Variants in FAM227B observed in about 807,000 individuals in gnomAD.
The protein encoded by FAM227B is protein FAM227B.
In FAM227B, 88 loss-of-function variants were observed where a neutral mutation model predicts 73.8. The ratio of observed to expected loss-of-function variants is 1.19; its 90% CI spans 1.00 to 1.42. FAM227B has a LOEUF of 1.42. Ranked by LOEUF, FAM227B falls within the 40% of genes most tolerant of loss-of-function variation. FAM227B has a pLI of 0.00. For synonymous variants in FAM227B, 210 were observed against 190.5 expected, an observed-to-expected ratio of 1.10 and a Z score of -0.84; for missense variants, 632 against 590.9, an observed-to-expected ratio of 1.07 and a Z score of -0.72.
intron 10 of FAM227B, among the ~76,000 whole-genome samples, chr15:49,527,029 C>T (rs1228450269): frequency 6.9e-6 from 1 of 145,378 alleles, no homozygotes; most frequent in Admixed American, 7.2e-5. Context: ...TCTCATCTAA[C>T]TGATTCTACA....
intron 8 of FAM227B, among the ~76,000 whole-genome samples, chr15:49,571,722 A>G (rs2075120758): frequency 6.6e-6 from 1 of 151,932 alleles, no homozygotes; most frequent in Admixed American, 6.6e-5. Context: ...TTTTTATGCC[A>G]ATACTCTGCT....
At chr15:49,478,201 A>G (rs1437330785) in intron 11 of FAM227B, among the ~76,000 whole-genome samples, 1 of 152,234 alleles carries the variant, frequency 6.6e-6, no homozygotes, top group African/African-American at 2.4e-5. Context: ...TAATTTGCTT[A>G]GGATAATGGC....
intron 3 of FAM227B, among the ~76,000 whole-genome samples, chr15:49,608,633 T>G (rs2077681473): frequency 1.3e-5 from 2 of 151,956 alleles, no homozygotes; most frequent in Non-Finnish European, 2.9e-5. Flanking sequence ...AATAAGCAAA[T>G]AAATCAGGCT....
At chr15:49,596,276 T>C (rs1009718552) in intron 3 of FAM227B, among the ~76,000 whole-genome samples, 2 of 151,988 alleles carry the variant, frequency 1.3e-5, no homozygotes, top group Non-Finnish European at 2.9e-5. Context: ...GCAGAAACAT[T>C]ATAAGCCAGA....
chr15:49,613,058 A>G (rs1356014912), intron 2 of FAM227B, among the ~76,000 whole-genome samples: 1 of 152,104 alleles, frequency 6.6e-6, no homozygotes, highest in Non-Finnish European at 1.5e-5. Context: ...GTACAAAAAT[A>G]TAGGTTAGGG....
At chr15:49,554,580 G>A (rs1173494421) in intron 9 of FAM227B, among the ~76,000 whole-genome samples, 1 of 152,126 alleles carries the variant, frequency 6.6e-6, no homozygotes, top group African/African-American at 2.4e-5. Context: ...TAACAGGACA[G>A]CACTGAGTTA....
intron 11 of FAM227B, among the ~76,000 whole-genome samples, chr15:49,505,647 C>T (rs1203706353): frequency 6.6e-6 from 1 of 151,694 alleles, no homozygotes; most frequent in African/African-American, 2.4e-5. Context: ...TCAAAAAATA[C>T]AAAAGTGGTA....
intron 9 of FAM227B, among the ~76,000 whole-genome samples, chr15:49,544,990 T>C (rs1355896754): frequency 2.0e-5 from 3 of 152,264 alleles, no homozygotes; most frequent in East Asian, 3.9e-4. Flanking sequence ...TCTTTCCTGG[T>C]TTTGGTATTA....
intron 8 of FAM227B, among the ~76,000 whole-genome samples, chr15:49,571,978 A>G (rs1381577479): frequency 2.0e-5 from 3 of 151,992 alleles, no homozygotes; most frequent in African/African-American, 7.2e-5. Context: ...TTCAATCTAT[A>G]AACACAGGAT....
chr15:49,348,582 C>G (rs1296617757), intron 13 of FAM227B, among the ~76,000 whole-genome samples: 1 of 152,138 alleles, frequency 6.6e-6, no homozygotes, highest in East Asian at 1.9e-4. Flanking sequence ...GAGCCAGAGG[C>G]TGGAAGTGAT....
intron 6 of FAM227B, 86 bp from the exon 7 acceptor site, chr15:49,576,931 T>G (rs1391002420): frequency 1.5e-5 from 10 of 686,478 alleles, no homozygotes; most frequent in Non-Finnish European, 2.5e-5. Context: ...GACCAACATT[T>G]AACTATCACT....
At chr15:49,394,467 G>A (rs987028198) in intron 11 of FAM227B, among the ~76,000 whole-genome samples, 2 of 152,120 alleles carry the variant, frequency 1.3e-5, no homozygotes, top group African/African-American at 4.8e-5. Flanking sequence ...AGTTGTCTAG[G>A]TGCATGGGAG....
intron 3 of FAM227B, among the ~76,000 whole-genome samples, chr15:49,606,876 AT>A: frequency 6.6e-6 from 1 of 152,378 alleles, no homozygotes; most frequent in Non-Finnish European, 1.5e-5. Context: ...CAACATTAAT[AT>A]TTGCAAATCT....
intron 11 of FAM227B, among the ~76,000 whole-genome samples, chr15:49,399,996 C>G (rs1246617423): frequency 2.1e-5 from 2 of 96,670 alleles, no homozygotes; most frequent in African/African-American, 7.2e-5. Context: ...GAAGTTCTGG[C>G]CAGGGCAATT....
chr15:49,328,374 G>T lies in FAM227B; in HGVS notation c.*194C>A. 1 of 1,430,736 alleles carries T rather than the reference G, an allele frequency of 7.0e-7. No homozygotes were observed. Among genetic ancestry groups the T allele is most frequent in the Non-Finnish European group, 9.1e-7 (1 of 1,096,314 alleles). The allele number at this position is 1,430,736 out of a possible 1,614,324, so 88.6% of individuals were successfully genotyped here. The stretch of plus-strand genomic sequence containing the variant: ...ATATGGTTTTACTATTAAGAGCCAA[G>T]ATCATGCTTGGACAGATCTTTTAAG... On this transcript the variant is annotated 3_prime_UTR_variant, in exon 16 of 16. Coordinates refer to ENST00000299338, the MANE Select transcript of FAM227B (RefSeq NM_152647.3).
rs2075475966 is a variant in FAM227B at position 49,576,861 on chromosome 15, T to C, written c.442-16A>G. The C allele has an allele frequency of 1.3e-6, 2 of 1,493,290 alleles. No individual in the cohort carries two copies. The highest frequency in any genetic ancestry group is 2.3e-5 in the East Asian group (1 of 44,226). 92.5% of individuals were successfully genotyped at this position (1,493,290 alleles called of 1,614,324 possible). ...AGCTGCAACCCTAGAAAGAGGAAAA[T>C]ATAACAGGAGAGTAAATATTTCACT... is the stretch of plus-strand genomic sequence containing the variant. On this transcript the variant is annotated splice_polypyrimidine_tract_variant and intron_variant, in intron 6 of 15. Coordinates refer to ENST00000299338, the MANE Select transcript of FAM227B (RefSeq NM_152647.3).
intron 9 of FAM227B, among the ~76,000 whole-genome samples, chr15:49,550,930 C>A (rs1471946724): frequency 1.3e-5 from 2 of 152,122 alleles, no homozygotes; most frequent in Non-Finnish European, 2.9e-5. Flanking sequence ...CCAAGGCAGG[C>A]GGCTGGGAGG....
At chr15:49,489,317 G>A (rs1289781261) in intron 11 of FAM227B, 7 of 981,262 alleles carry the variant, frequency 7.1e-6, no homozygotes, top group African/African-American at 7.0e-5. Flanking sequence ...ATTCATCAGA[G>A]AAAGAGATGA....
Position 49,346,254 on chromosome 15 carries a change from A to G in FAM227B, c.1272-10758T>C, listed in dbSNP as rs555870334. Among the ~76,000 whole-genome samples the G allele has an allele frequency of 2.1e-4, 32 of 152,316 alleles. No homozygotes were observed. The South Asian group carries it at 6.2e-3, about 30-fold the overall frequency. ...TTGAGCTGGGCCTGCGCAAGTGCGCAACAAATGGCCTTTTGACCATGGAGG... is the reference window on the plus strand; with the variant it reads ...TTGAGCTGGGCCTGCGCAAGTGCGCGACAAATGGCCTTTTGACCATGGAGG... On this transcript the variant is annotated intron_variant, in intron 13 of 15. Coordinates refer to ENST00000299338, the MANE Select transcript of FAM227B (RefSeq NM_152647.3).
Sources: allele counts gnomAD v4.1 joint callset (sites outside exome capture counted in the v4.1 genomes callset), GRCh38; gene constraint gnomAD v4.1.1; transcripts MANE v1.5; gene names NCBI Gene and HGNC (gene_info 2026-07-23, HGNC 2026-07-21).